The following DLG2 variants were observed in gnomAD, a reference collection of about 807,000 sequenced individuals.
DLG2 encodes the protein discs large MAGUK scaffold protein 2.
DLG2 carries 45 observed loss-of-function variants against 132.5 expected under a neutral mutation model. The observed-to-expected ratio is 0.34, with a 90% CI of 0.27 to 0.44. The LOEUF is 0.44. Among genes scored for constraint, DLG2 ranks in the 20% least tolerant of loss-of-function variants. The pLI, the probability that DLG2 is intolerant of heterozygous loss-of-function variation, is 1.00. For missense variants in DLG2, 1,045 were observed against 1,196.9 expected (o/e 0.87, Z 1.87); for synonymous variants, 424 against 419.6 (o/e 1.01, Z -0.13).
chr11:84,180,734 C>A (rs556723560), intron 8 of DLG2, among the ~76,000 whole-genome samples: 44 of 151,890 alleles, frequency 2.9e-4, no homozygotes, highest in African/African-American at 1.0e-3. Context: ...ATATCTGAAC[C>A]CCCCCAGAAA....
intron 16 of DLG2, among the ~76,000 whole-genome samples, chr11:83,866,278 A>G (rs1237945538): frequency 6.6e-6 from 1 of 152,168 alleles, no homozygotes; most frequent in Non-Finnish European, 1.5e-5. Context: ...AAGAGAGGTA[A>G]TGGTGCAAAT....
intron 5 of DLG2, among the ~76,000 whole-genome samples, chr11:85,121,055 T>C (rs1053720643): frequency 2.6e-5 from 4 of 152,172 alleles, no homozygotes; most frequent in East Asian, 3.9e-4. Flanking sequence ...ATTACTATTA[T>C]AGTTTTTTAA....
chr11:85,040,696 T>G (rs1372039516), intron 6 of DLG2, among the ~76,000 whole-genome samples: 1 of 151,918 alleles, frequency 6.6e-6, no homozygotes, highest in Non-Finnish European at 1.5e-5. Flanking sequence ...ATATGGCCTT[T>G]CTCTCTCAGA....
intron 7 of DLG2, among the ~76,000 whole-genome samples, chr11:84,478,072 C>T (rs960751298): frequency 3.9e-5 from 6 of 152,128 alleles, no homozygotes; most frequent in Non-Finnish European, 5.9e-5. Flanking sequence ...AAGACAAGAG[C>T]TCATGCTCTT....
chr11:85,503,670 G>A (rs939787435), intron 3 of DLG2, among the ~76,000 whole-genome samples: 7 of 152,102 alleles, frequency 4.6e-5, no homozygotes, highest in Admixed American at 4.6e-4. Context: ...GGTGACCCAT[G>A]CCTGTAATCC....
intron 6 of DLG2, among the ~76,000 whole-genome samples, chr11:84,633,097 T>C (rs961169792): frequency 3.3e-5 from 5 of 152,240 alleles, no homozygotes; most frequent in Admixed American, 3.3e-4. Flanking sequence ...TCCATGTATA[T>C]TAATGTAGCC....
intron 6 of DLG2, among the ~76,000 whole-genome samples, chr11:84,941,669 A>T (rs2049445034): frequency 6.7e-6 from 1 of 149,048 alleles, no homozygotes; most frequent in African/African-American, 2.4e-5. Context: ...TTAATTAGAA[A>T]TATTAGCCTG....
chr11:84,261,152 G>T (rs556128100), intron 7 of DLG2, among the ~76,000 whole-genome samples: 25 of 152,262 alleles, frequency 1.6e-4, no homozygotes, highest in African/African-American at 6.0e-4. Context: ...TTAGGTTAAG[G>T]TAGGGCTTAT....
chr11:84,907,258 G>A (rs2091618015), intron 6 of DLG2, among the ~76,000 whole-genome samples: 1 of 152,162 alleles, frequency 6.6e-6, no homozygotes, highest in African/African-American at 2.4e-5. Flanking sequence ...AAGAAAGAGT[G>A]AAGGAATGAT....
chr11:85,295,563 C>T (rs75668072), intron 3 of DLG2, among the ~76,000 whole-genome samples: 7,626 of 152,216 alleles, frequency 0.05, 248 homozygotes, highest in East Asian at 0.094. Flanking sequence ...AAGGCTATTA[C>T]TGGAATTCAC....
At chr11:84,861,884 T>A (rs2083751483) in intron 6 of DLG2, among the ~76,000 whole-genome samples, 1 of 151,828 alleles carries the variant, frequency 6.6e-6, no homozygotes, top group Non-Finnish European at 1.5e-5. Flanking sequence ...ATGTCCTTTG[T>A]AGGGACATGG....
intron 3 of DLG2, among the ~76,000 whole-genome samples, chr11:85,575,010 A>C (rs886465278): frequency 1.3e-5 from 2 of 152,090 alleles, no homozygotes; most frequent in African/African-American, 2.4e-5. Context: ...ATATTACAGA[A>C]AACCTCCAAC....
At chr11:85,443,342 A>G (rs547949909) in intron 3 of DLG2, among the ~76,000 whole-genome samples, 1 of 152,362 alleles carries the variant, frequency 6.6e-6, no homozygotes, top group African/African-American at 2.4e-5. Flanking sequence ...TACTTGTTAC[A>G]TTGAACATAG....
intron 17 of DLG2, among the ~76,000 whole-genome samples, chr11:83,809,017 C>T (rs1459917785): frequency 1.3e-5 from 2 of 152,022 alleles, no homozygotes; most frequent in Non-Finnish European, 2.9e-5. Flanking sequence ...CTTTTTCTTA[C>T]CACCTCCCTC....
At chr11:85,095,180 C>T (rs907452838) in intron 6 of DLG2, among the ~76,000 whole-genome samples, 6 of 151,890 alleles carry the variant, frequency 4.0e-5, no homozygotes, top group African/African-American at 1.5e-4. Context: ...CATGTATCAC[C>T]GTAACAGATA....
At chr11:85,316,851 A>G (rs1028910640) in intron 3 of DLG2, among the ~76,000 whole-genome samples, 43 of 151,990 alleles carry the variant, frequency 2.8e-4, no homozygotes, top group Admixed American at 8.5e-4. Flanking sequence ...AAAATGGTAA[A>G]TAAAAGTACG....
chr11:83,825,158 T>C (rs756975520), intron 17 of DLG2, among the ~76,000 whole-genome samples: 2 of 95,688 alleles, frequency 2.1e-5, no homozygotes, highest in African/African-American at 1.0e-4. Flanking sequence ...CACACATATA[T>C]ATATATATAT....
At chr11:84,542,810 T>C (rs1202021398) in intron 6 of DLG2, among the ~76,000 whole-genome samples, 1 of 152,198 alleles carries the variant, frequency 6.6e-6, no homozygotes, top group Non-Finnish European at 1.5e-5. Flanking sequence ...ATCTCAAGGC[T>C]GTAGAAATTT....
chr11:84,138,713 C>T (rs2094708105), intron 9 of DLG2, among the ~76,000 whole-genome samples: 1 of 152,178 alleles, frequency 6.6e-6, no homozygotes, highest in African/African-American at 2.4e-5. Context: ...CTTCGGGAGT[C>T]TGGGGCGGGC....
Sources: allele counts gnomAD v4.1 joint callset (sites outside exome capture counted in the v4.1 genomes callset), GRCh38; gene constraint gnomAD v4.1.1; transcripts MANE v1.5; gene names NCBI Gene and HGNC (gene_info 2026-07-23, HGNC 2026-07-21).